Variants in CUL5 observed in about 807,000 individuals in gnomAD.
The protein encoded by CUL5 is cullin 5.
Under a neutral mutation model 108.8 loss-of-function variants are expected in CUL5, and 26 were observed. That is an observed-to-expected ratio of 0.24 (90% CI 0.18 to 0.33). CUL5 has a LOEUF of 0.33. CUL5 is among the 10% of genes least tolerant of loss of function. The pLI, the probability that CUL5 is intolerant of heterozygous loss-of-function variation, is 1.00. For synonymous variants in CUL5, 334 were observed against 298.0 expected, an observed-to-expected ratio of 1.12 and a Z score of -1.25; for missense variants, 524 against 909.2, an observed-to-expected ratio of 0.58 and a Z score of 5.45.
At chr11:108,087,893 A>C (rs1864260393) in intron 11 of CUL5, among the ~76,000 whole-genome samples, 1 of 152,108 alleles carries the variant, frequency 6.6e-6, no homozygotes, top group South Asian at 2.1e-4. Context: ...TGAACCCGAG[A>C]GGCAGAGGTT....
Position 108,107,562 on chromosome 11 carries a change from G to C in CUL5, c.*3178G>C, listed in dbSNP as rs1769249574. 1 of 152,588 alleles carries C rather than the reference G, an allele frequency of 6.6e-6. No individual in the cohort carries two copies. The highest frequency in any genetic ancestry group is 1.5e-5 in the Non-Finnish European group (1 of 68,014). 9.5% of individuals were successfully genotyped at this position (152,588 alleles called of 1,614,324 possible). On this transcript the variant is annotated 3_prime_UTR_variant, in exon 19 of 19. Transcript: ENST00000393094. ...TGAACAAATTTATTTTAGTTTCTAA[G>C]TTGTAATCTATCCTCATATGGTCTA...
intron 7 of CUL5, among the ~76,000 whole-genome samples, chr11:108,068,890 C>T (rs1444643294): frequency 6.6e-6 from 1 of 152,172 alleles, no homozygotes; most frequent in Non-Finnish European, 1.5e-5. Flanking sequence ...TTACCACCTG[C>T]CTTACTACCA....
Position 108,009,187 on chromosome 11 carries a change from G to C in CUL5, c.-162G>C. On this transcript the variant is annotated 5_prime_UTR_variant, in exon 1 of 19. Coordinates refer to ENST00000393094, the MANE Select transcript of CUL5 (RefSeq NM_003478.6). ...AAGAGTGAGGAAGCTCCTGGTGCTT[G>C]GGACGAGGTCAGCGCTGTCGGCGCG... 2 of 676,078 alleles carry C rather than the reference G, an allele frequency of 3.0e-6. No homozygotes were observed. The highest frequency in any genetic ancestry group is 3.7e-5 in the South Asian group (2 of 53,920). The allele number at this position is 676,078 out of a possible 1,614,324, so 41.9% of individuals were successfully genotyped here. A position where few individuals can be genotyped will look rare whatever the true frequency, so the allele number is the denominator to read the frequency against.
chr11:108,092,035 G>C (rs73557174), intron 13 of CUL5, among the ~76,000 whole-genome samples: 3,003 of 152,236 alleles, frequency 0.02, 111 homozygotes, highest in African/African-American at 0.068. Context: ...TACTCAGGAG[G>C]CTGAGATGGG....
chr11:108,082,465 C>G (rs1565263458), intron 11 of CUL5, among the ~76,000 whole-genome samples: 1 of 152,042 alleles, frequency 6.6e-6, no homozygotes, highest in Non-Finnish European at 1.5e-5. Context: ...TTTGTAGAGA[C>G]AGTCTCTCAC....
At chr11:108,010,473 ATAT>A (rs1862035135) in intron 1 of CUL5, among the ~76,000 whole-genome samples, 1 of 152,242 alleles carries the variant, frequency 6.6e-6, no homozygotes, top group South Asian at 2.1e-4. Flanking sequence ...GCAGTACTGT[ATAT>A]CACCTTTTAA....
At chr11:108,015,601 G>C (rs1353728161) in intron 1 of CUL5, among the ~76,000 whole-genome samples, 1 of 152,186 alleles carries the variant, frequency 6.6e-6, no homozygotes, top group African/African-American at 2.4e-5. Flanking sequence ...ATTCGACACA[G>C]CCTAGGGAGG....
intron 13 of CUL5, among the ~76,000 whole-genome samples, chr11:108,093,118 C>T (rs1211240543): frequency 1.3e-5 from 2 of 152,146 alleles, no homozygotes; most frequent in Non-Finnish European, 2.9e-5. Flanking sequence ...AAATTGTATA[C>T]TTTAAAATAG....
chr11:108,021,409 C>T (rs934543516), intron 1 of CUL5, among the ~76,000 whole-genome samples: 1 of 152,218 alleles, frequency 6.6e-6, no homozygotes, highest in African/African-American at 2.4e-5. Context: ...GCTTTTCTTA[C>T]ACCTTTGTCC....
At chr11:108,020,353 A>T (rs1333810870) in intron 1 of CUL5, among the ~76,000 whole-genome samples, 1 of 152,156 alleles carries the variant, frequency 6.6e-6, no homozygotes, top group East Asian at 1.9e-4. Flanking sequence ...CAGTGGGACA[A>T]GATGTGAAGG....
chr11:108,035,393 G>A lies in CUL5; in HGVS notation c.134+1482G>A, dbSNP rs140904336. 4.6e-5 allele frequency among the ~76,000 whole-genome samples: 7 copies of A among 152,236 alleles called. No homozygotes were observed. In the East Asian group the frequency reaches 1.2e-3, roughly 25 times the overall value. ...TTGAGGTGGTCCAGCCAGAATCCAT[G>A]ATGTTTTCATAGTTTCTGGCTCCAC... On this transcript the variant is annotated intron_variant, in intron 2 of 18. Transcript: ENST00000393094.
intron 1 of CUL5, among the ~76,000 whole-genome samples, chr11:108,024,555 AAAAT>A (rs1170722404): frequency 6.6e-6 from 1 of 152,264 alleles, no homozygotes; most frequent in Non-Finnish European, 1.5e-5. Flanking sequence ...ATTATAAAGT[AAAAT>A]AATCACAGTG....
intron 2 of CUL5, among the ~76,000 whole-genome samples, chr11:108,045,587 G>C (rs1863045723): frequency 6.6e-6 from 1 of 152,006 alleles, no homozygotes; most frequent in Non-Finnish European, 1.5e-5. Context: ...ACAAAGCTGG[G>C]CATGGTGGCT....
At chr11:108,083,760 A>T (rs1240781624) in intron 11 of CUL5, among the ~76,000 whole-genome samples, 1 of 152,238 alleles carries the variant, frequency 6.6e-6, no homozygotes, top group African/African-American at 2.4e-5. Flanking sequence ...TCTGGGCAAC[A>T]GAGTGATACC....
At chr11:108,073,543 C>G (rs762540665) in intron 10 of CUL5, 46 bp downstream of exon 10, 2 of 855,938 alleles carry the variant, frequency 2.3e-6, no homozygotes, top group Non-Finnish European at 3.5e-6. Context: ...AAGTTTTATT[C>G]TCATAATTTA....
intron 1 of CUL5, among the ~76,000 whole-genome samples, chr11:108,024,781 AT>A (rs1378788124): frequency 6.6e-6 from 1 of 152,226 alleles, no homozygotes; most frequent in Non-Finnish European, 1.5e-5. Context: ...TATATTTGCA[AT>A]AAAAAAAAAT....
chr11:108,077,726 C>A (rs975999293), intron 10 of CUL5, among the ~76,000 whole-genome samples: 3 of 152,042 alleles, frequency 2.0e-5, no homozygotes, highest in African/African-American at 7.2e-5. Context: ...AGGCAGATCA[C>A]CTGAGGTGAG....
intron 8 of CUL5, 123 bp from the exon 9 acceptor site, chr11:108,072,209 A>G: frequency 1.3e-6 from 1 of 753,998 alleles, no homozygotes; most frequent in South Asian, 2.9e-5. Context: ...AAAAAAACGA[A>G]CAACTACTCC....
chr11:108,056,258 G>A (rs970543909), intron 7 of CUL5, among the ~76,000 whole-genome samples: 1 of 152,248 alleles, frequency 6.6e-6, no homozygotes, highest in African/African-American at 2.4e-5. Context: ...AGTCTTTGGA[G>A]CCTTGATTTA....
Sources: allele counts gnomAD v4.1 joint callset (sites outside exome capture counted in the v4.1 genomes callset), GRCh38; gene constraint gnomAD v4.1.1; transcripts MANE v1.5; gene names NCBI Gene and HGNC (gene_info 2026-07-23, HGNC 2026-07-21).